Variants in ERN1 observed in about 807,000 individuals in gnomAD.
ERN1 encodes serine/threonine-protein kinase/endoribonuclease IRE1.
ERN1 carries 39 observed loss-of-function variants against 113.1 expected under a neutral mutation model. The observed-to-expected ratio is 0.34, with a 90% CI of 0.27 to 0.45. ERN1 has a LOEUF of 0.45. ERN1 is among the 20% of genes least tolerant of loss of function. The pLI is 1.00. For synonymous variants in ERN1, 507 were observed against 515.9 expected (o/e 0.98, Z 0.23); for missense variants, 976 against 1,274.8 (o/e 0.77, Z 3.57).
chr17:64,124,287 G>A (rs574328061), intron 1 of ERN1, among the ~76,000 whole-genome samples: 30 of 152,228 alleles, frequency 2.0e-4, no homozygotes, highest in South Asian at 1.2e-3. Flanking sequence ...AAATGTCCAC[G>A]CAAAAATTTG....
chr17:64,092,646 A>G (rs1598074356), intron 2 of ERN1, among the ~76,000 whole-genome samples: 1 of 152,274 alleles, frequency 6.6e-6, no homozygotes, highest in Middle Eastern at 3.4e-3. Context: ...CATGCCTACT[A>G]TTATTGGAAA....
intron 11 of ERN1, 63 bp downstream of exon 11, chr17:64,060,406 C>G (rs1598051949): frequency 9.7e-7 from 1 of 1,034,068 alleles, no homozygotes; most frequent in East Asian, 2.4e-5. Flanking sequence ...GAGTCAAAGT[C>G]TAATGCCTCA....
At chr17:64,112,684 T>C (rs1342729488) in intron 1 of ERN1, among the ~76,000 whole-genome samples, 1 of 152,222 alleles carries the variant, frequency 6.6e-6, no homozygotes, top group Non-Finnish European at 1.5e-5. Context: ...GGGAAAAGCT[T>C]CTGCACAGCT....
In ERN1 at chr17:64,057,236, G is replaced by A. The variant is rs887130267; in HGVS notation, c.1398+566C>T. Among the ~76,000 whole-genome samples, 5 of 152,152 alleles carry A rather than the reference G, an allele frequency of 3.3e-5. No homozygotes were observed. In the South Asian group the frequency reaches 1.0e-3, roughly 32 times the overall value. On this transcript the variant is annotated intron_variant, in intron 12 of 21. Transcript: ENST00000433197. ...CAGATAACTATTCAAAATCATCTTT[G>A]AGCAAGGCTTATAAATCAGCTCTTA... is the stretch of plus-strand genomic sequence containing the variant.
Position 64,060,529 on chromosome 17 carries a change from A to G in ERN1, c.1146T>C (p.Asn382=). The G allele has an allele frequency of 6.2e-7, 1 of 1,613,938 alleles. No homozygotes were observed. The highest frequency in any genetic ancestry group is 8.5e-7 in the Non-Finnish European group (1 of 1,179,864). Residue 382 remains asparagine (N), a synonymous_variant, in exon 11 of 22, where the codon AAT becomes AAC. Transcript: ENST00000433197. ...TCACATTTTCCCGATGTTTGGGTAG[A>G]TTGTTGGGAAATCTCTCCAGCATCT... is the stretch of plus-strand genomic sequence containing the variant. ...STKMLERFPN[N]LPKHRENVIP...
chr17:64,118,581 T>C (rs1282198525), intron 1 of ERN1, among the ~76,000 whole-genome samples: 2 of 152,218 alleles, frequency 1.3e-5, no homozygotes, highest in African/African-American at 4.8e-5. Flanking sequence ...CCAATTCTAC[T>C]GACATTTGTC....
chr17:64,054,897 G>T lies in ERN1; in HGVS notation c.1673-69C>A, dbSNP rs1013016501. On this transcript the variant is annotated intron_variant, in intron 13 of 21. Coordinates refer to ENST00000433197, the MANE Select transcript of ERN1 (RefSeq NM_001433.5). This position sits in a 1 kb window ranked among gnomAD's most constrained non-coding sequence, Gnocchi z 4.9. ...CCTAAAGAACCTTGAGGTTAACATA[G>T]TGACAAGCTTCCTGACCTCAGATTA... The T allele has an allele frequency of 1.7e-6, 2 of 1,179,646 alleles. No individual in the cohort carries two copies. Among genetic ancestry groups the T allele is most frequent in the African/African-American group, 1.5e-5 (1 of 65,878 alleles). The allele number at this position is 1,179,646 out of a possible 1,614,324, so 73.1% of individuals were successfully genotyped here. A position where few individuals can be genotyped will look rare whatever the true frequency, so the allele number is the denominator to read the frequency against.
intron 1 of ERN1, 66 bp downstream of exon 1, chr17:64,129,910 A>C: frequency 7.6e-7 from 1 of 1,311,288 alleles, no homozygotes; most frequent in Non-Finnish European, 9.7e-7. Flanking sequence ...CGGCGCCGCG[A>C]CGCTGCCCCG....
rs547557230 is a variant in ERN1, at chr17:64,040,604, G to A, written c.*3384C>T. ...TAAGGCCCTTTCTTCTAGAGTTGGT[G>A]GGAAGAAACTCTGCTGGATCTACTC... is the stretch of plus-strand genomic sequence containing the variant. On this transcript the variant is annotated 3_prime_UTR_variant, in exon 22 of 22. Coordinates refer to ENST00000433197, the MANE Select transcript of ERN1 (RefSeq NM_001433.5). 47 of 152,270 alleles carry A rather than the reference G, an allele frequency of 3.1e-4. No individual in the cohort carries two copies. The highest frequency in any genetic ancestry group is 1.1e-3 in the African/African-American group (46 of 41,536). The allele number at this position is 152,270 out of a possible 1,614,324, so 9.4% of individuals were successfully genotyped here.
At chr17:64,066,532 A>G (rs107404) in intron 8 of ERN1, 139 bp downstream of exon 8, 951,841 of 961,356 alleles carry the variant, frequency 0.99, 471,796 homozygotes, top group East Asian at 1. Flanking sequence ...TCCAAATGAA[A>G]CAGTCTTGGC....
At chr17:64,074,373 G>C (rs1405749160) in intron 5 of ERN1, among the ~76,000 whole-genome samples, 3 of 152,198 alleles carry the variant, frequency 2.0e-5, no homozygotes, top group Middle Eastern at 3.4e-3. Context: ...CCCAGGTCAC[G>C]GCCCACAGAG....
intron 2 of ERN1, among the ~76,000 whole-genome samples, chr17:64,083,405 A>T (rs970205719): frequency 6.6e-6 from 1 of 152,196 alleles, no homozygotes. Flanking sequence ...TTAAAAAAAA[A>T]AGTTTTCAGC....
At chr17:64,067,917 T>A (rs975265824) in intron 7 of ERN1, 29 of 363,826 alleles carry the variant, frequency 8.0e-5, no homozygotes, top group Non-Finnish European at 1.4e-4. Context: ...AGTAAATTCC[T>A]TCTGTGACAT....
At chr17:64,057,680 C>CTG (rs1251591239) in intron 12 of ERN1, 122 bp downstream of exon 12, 54 of 1,024,308 alleles carry the variant, frequency 5.3e-5, no homozygotes, top group Non-Finnish European at 6.9e-5. Flanking sequence ...CCAACAAACA[C>CTG]TGACTTTTAA....
intron 1 of ERN1, among the ~76,000 whole-genome samples, chr17:64,122,298 G>A (rs1159960492): frequency 6.6e-6 from 1 of 152,174 alleles, no homozygotes; most frequent in East Asian, 1.9e-4. Context: ...GGAGGGTAAT[G>A]CCTGAGAGAG....
At position 64,067,606 on chromosome 17, in the gene ERN1, C is replaced by CAA. The variant is rs5821419; in HGVS notation, c.580+582_580+583dup. Reference sequence around the variant, plus strand: ...TGGGGAACAGAGGGAGAACTTGCCTCAAAAAAAAAAACAACAAAAAAACAC... The same window carrying CAA: ...TGGGGAACAGAGGGAGAACTTGCCTCAAAAAAAAAAAAACAACAAAAAAACAC... On this transcript the variant is annotated intron_variant, in intron 7 of 21. Coordinates refer to ENST00000433197, the MANE Select transcript of ERN1 (RefSeq NM_001433.5). Among the ~76,000 whole-genome samples the CAA allele has an allele frequency of 2.7e-3, 392 of 144,142 alleles. 4 individuals are homozygous for CAA. Among genetic ancestry groups the CAA allele is most frequent in the African/African-American group, 6.6e-3 (253 of 38,554 alleles). 94.6% of individuals were successfully genotyped at this position (144,142 alleles called of 152,430 possible). A position where few individuals can be genotyped will look rare whatever the true frequency, so the allele number is the denominator to read the frequency against.
intron 1 of ERN1, among the ~76,000 whole-genome samples, chr17:64,109,673 T>C (rs1259620228): frequency 4.6e-5 from 7 of 152,206 alleles, no homozygotes; most frequent in African/African-American, 1.4e-4. Context: ...CCGAAGAGAT[T>C]ACCTTACCCA....
At chr17:64,089,378 C>A (rs1278954957) in intron 2 of ERN1, among the ~76,000 whole-genome samples, 1 of 148,178 alleles carries the variant, frequency 6.7e-6, no homozygotes, top group Non-Finnish European at 1.5e-5. Context: ...CATCCCAAAT[C>A]CGAAAATCCA....
At chr17:64,066,573 CCCTGTCTTTGG>C in intron 8 of ERN1, 87 bp downstream of exon 8, 1 of 1,429,956 alleles carries the variant, frequency 7.0e-7, no homozygotes. Flanking sequence ...TCAGAGACTG[CCCTGTCTTTGG>C]CCTCCCGTGC....
Sources: allele counts gnomAD v4.1 joint callset (sites outside exome capture counted in the v4.1 genomes callset), GRCh38; gene constraint gnomAD v4.1.1; non-coding constraint Gnocchi (gnomAD v3.1); transcripts MANE v1.5; gene names NCBI Gene and HGNC (gene_info 2026-07-23, HGNC 2026-07-21).